RELN: variants seen among roughly 807,000 people sequenced by gnomAD.
The protein encoded by RELN is reelin.
In RELN, 108 loss-of-function variants were observed where a neutral mutation model predicts 427.6. The observed-to-expected ratio is 0.25, with a 90% CI of 0.22 to 0.30. RELN has a LOEUF of 0.30. RELN is among the 10% of genes least tolerant of loss of function. The pLI is 1.00. For missense variants in RELN, 3,715 were observed against 4,302.8 expected, an observed-to-expected ratio of 0.86 and a Z score of 3.82; for synonymous variants, 1,524 against 1,513.4, an observed-to-expected ratio of 1.01 and a Z score of -0.16.
chr7:103,757,203 G>C (rs1791181436), intron 4 of RELN, among the ~76,000 whole-genome samples: 1 of 152,052 alleles, frequency 6.6e-6, no homozygotes, highest in Non-Finnish European at 1.5e-5. Flanking sequence ...TGGTATAAAG[G>C]CCTTTACTCT....
rs34125550 is a variant in RELN, at chr7:103,561,959, C to CAAAAA, written c.5211-11_5211-7dup. On this transcript the variant is annotated splice_region_variant and splice_polypyrimidine_tract_variant and intron_variant, in intron 34 of 64. Coordinates refer to ENST00000428762, the MANE Select transcript of RELN (RefSeq NM_005045.4). ...TGAACCGGGTCCTGGGAGAACTAAC[C>CAAAAA]AAAAAAAAAAAAAAAAAAACACACC... is the stretch of plus-strand genomic sequence containing the variant. 1.4e-4 allele frequency: 190 copies of CAAAAA among 1,314,842 alleles called. 5 individuals carry two copies. The Admixed American group carries it at 1.6e-3, about 11-fold the overall frequency. The allele number at this position is 1,314,842 out of a possible 1,614,324, so 81.4% of individuals were successfully genotyped here. A position where few individuals can be genotyped will look rare whatever the true frequency, so the allele number is the denominator to read the frequency against.
At chr7:103,621,633 G>T (rs1223179731) in intron 20 of RELN, among the ~76,000 whole-genome samples, 1 of 152,154 alleles carries the variant, frequency 6.6e-6, no homozygotes, top group Non-Finnish European at 1.5e-5. Flanking sequence ...AGCAAGGCAG[G>T]GGGCAGGGGA....
chr7:103,678,491 C>T (rs1363324552), intron 11 of RELN, among the ~76,000 whole-genome samples: 2 of 152,204 alleles, frequency 1.3e-5, no homozygotes, highest in African/African-American at 4.8e-5. Flanking sequence ...TTTCGGACAG[C>T]TAAGTGATGT....
At chr7:103,722,299 A>G (rs1403585447) in intron 8 of RELN, among the ~76,000 whole-genome samples, 1 of 152,146 alleles carries the variant, frequency 6.6e-6, no homozygotes, top group Non-Finnish European at 1.5e-5. Flanking sequence ...AAGAATCCTG[A>G]GAGAAACAGT....
intron 3 of RELN, among the ~76,000 whole-genome samples, chr7:103,786,268 C>CAT (rs1406302705): frequency 6.6e-6 from 1 of 151,744 alleles, no homozygotes; most frequent in Admixed American, 6.6e-5. Context: ...TTTAGTAAAT[C>CAT]ATATACCCTT....
At chr7:103,565,132 G>T in intron 34 of RELN, 146 bp downstream of exon 34, 1 of 1,030,992 alleles carries the variant, frequency 9.7e-7, no homozygotes, top group Non-Finnish European at 1.5e-6. Flanking sequence ...GCAACCCAAA[G>T]CACCTTGCAC....
chr7:103,673,798 A>C (rs1584396190), intron 11 of RELN, among the ~76,000 whole-genome samples: 1 of 152,188 alleles, frequency 6.6e-6, no homozygotes, highest in Non-Finnish European at 1.5e-5. Flanking sequence ...AATCTTACCT[A>C]GAGGGTTTAG....
intron 64 of RELN, among the ~76,000 whole-genome samples, chr7:103,476,471 ACT>A (rs1259179259): frequency 1.3e-5 from 2 of 152,062 alleles, no homozygotes; most frequent in African/African-American, 2.4e-5. Context: ...ACACGGTGAG[ACT>A]CTGTCTCAAA....
chr7:103,535,500 T>G lies in RELN; in HGVS notation c.7181-16A>C, dbSNP rs762784227. 6.2e-7 allele frequency: 1 copy of G among 1,611,108 alleles called. No homozygotes were observed. The highest frequency in any genetic ancestry group is 1.1e-5 in the South Asian group (1 of 91,008). On this transcript the variant is annotated splice_polypyrimidine_tract_variant and intron_variant, in intron 45 of 64. Coordinates refer to ENST00000428762, the MANE Select transcript of RELN (RefSeq NM_005045.4). Reference sequence around the variant, plus strand: ...AATTCAATCGCTGAAACAGGAAACATTATTTTGGATATAAACACATATCTG... The same window carrying G: ...AATTCAATCGCTGAAACAGGAAACAGTATTTTGGATATAAACACATATCTG...
intron 3 of RELN, among the ~76,000 whole-genome samples, chr7:103,796,875 C>CAAAAAAAA (rs1310087423): frequency 2.7e-4 from 18 of 67,014 alleles, no homozygotes; most frequent in Admixed American, 4.6e-4. Flanking sequence ...CTCCATCTCA[C>CAAAAAAAA]AAAAAAAAAA....
At chr7:103,852,461 A>C in intron 2 of RELN, among the ~76,000 whole-genome samples, 1 of 152,064 alleles carries the variant, frequency 6.6e-6, no homozygotes, top group African/African-American at 2.4e-5. Context: ...TTTCTCACAT[A>C]TGAAATATAG....
chr7:103,572,149 G>A, intron 31 of RELN, 35 bp downstream of exon 31: 1 of 1,242,100 alleles, frequency 8.1e-7, no homozygotes, highest in Non-Finnish European at 1.2e-6. Context: ...TCTGCCAATA[G>A]TAACTGTAAT....
intron 22 of RELN, among the ~76,000 whole-genome samples, chr7:103,609,533 T>C (rs1831899221): frequency 6.6e-6 from 1 of 152,190 alleles, no homozygotes; most frequent in South Asian, 2.1e-4. Flanking sequence ...AAAGCATTAG[T>C]AGAGTATCTA....
chr7:103,703,964 T>A (rs1834146393), intron 8 of RELN, among the ~76,000 whole-genome samples: 1 of 152,156 alleles, frequency 6.6e-6, no homozygotes, highest in Non-Finnish European at 1.5e-5. Context: ...GGTTTGGTAG[T>A]CATAAACAAA....
chr7:103,971,980 G>A (rs1796772977), intron 1 of RELN, among the ~76,000 whole-genome samples: 1 of 152,148 alleles, frequency 6.6e-6, no homozygotes, highest in African/African-American at 2.4e-5. Context: ...GGCTGAGGCA[G>A]GAGAATCACT....
At chr7:103,482,742 G>A (rs1382149978) in intron 63 of RELN, 131 bp downstream of exon 63, 1 of 1,544,252 alleles carries the variant, frequency 6.5e-7, no homozygotes, top group Non-Finnish European at 8.7e-7. Flanking sequence ...TTGCAAAAGA[G>A]TGTAAGCCAA....
intron 2 of RELN, among the ~76,000 whole-genome samples, chr7:103,906,583 T>C (rs1455244211): frequency 1.3e-5 from 2 of 152,152 alleles, no homozygotes; most frequent in Admixed American, 6.5e-5. Flanking sequence ...TGAGCCGTTA[T>C]AGAGCATGGC....
intron 60 of RELN, among the ~76,000 whole-genome samples, chr7:103,488,588 C>G (rs2116994575): frequency 6.6e-6 from 1 of 152,320 alleles, no homozygotes; most frequent in East Asian, 1.9e-4. Context: ...ACCAAGAAAT[C>G]TAAATAGATC....
rs1175473747 is a variant in RELN, at chr7:103,824,537, C to A, written c.473+9000G>T. On this transcript the variant is annotated intron_variant, in intron 3 of 64. Transcript: ENST00000428762. This position sits in a 1 kb window ranked among gnomAD's most constrained non-coding sequence, Gnocchi z 4.4. ...AAATCAGGTTTAAGAGACCTGCAGG[C>A]CACCACAATGTCAGTTCCTATTTCT... Among the ~76,000 whole-genome samples the A allele has an allele frequency of 4.0e-5, 6 of 151,858 alleles. No individual in the cohort carries two copies. The highest frequency in any genetic ancestry group is 3.3e-4 in the Admixed American group (5 of 15,212).
Sources: allele counts gnomAD v4.1 joint callset (sites outside exome capture counted in the v4.1 genomes callset), GRCh38; gene constraint gnomAD v4.1.1; non-coding constraint Gnocchi (gnomAD v3.1); transcripts MANE v1.5; gene names NCBI Gene and HGNC (gene_info 2026-07-23, HGNC 2026-07-21).